CCDC88B: variants seen among roughly 807,000 people sequenced by gnomAD.
CCDC88B encodes coiled-coil domain-containing protein 88B.
CCDC88B carries 138 observed loss-of-function variants against 183.7 expected under a neutral mutation model. That is an observed-to-expected ratio of 0.75 (90% CI 0.65 to 0.87). The LOEUF (loss-of-function observed/expected upper bound fraction) is 0.87, where lower values mean the gene tolerates loss of function less well. CCDC88B is among the 40% of genes least tolerant of loss of function. The probability of loss-of-function intolerance (pLI) is 0.00; values close to 1 mark genes in which losing one functional copy is unlikely to be tolerated. For missense variants in CCDC88B, 1,822 were observed against 1,965.6 expected (o/e 0.93, Z 1.38); for synonymous variants, 835 against 867.5 (o/e 0.96, Z 0.66).
In CCDC88B at chr11:64,353,181, C is replaced by A; in HGVS notation, c.3628C>A (p.Leu1210Met). ...RAQLEMQSQQ[L>M]RESNQQLDLS... The stretch of plus-strand genomic sequence containing the variant: ...ACAGCTGGAGATGCAGAGCCAGCAG[C>A]TGCGCGAGTCCAACCAGCAGCTGGA... The change falls in exon 21 of 27, where the codon CTG (leucine) becomes ATG (methionine). Residue 1210 changes from leucine to methionine, a missense_variant. Leu to Met is a conservative substitution (Grantham distance 15). Transcript: ENST00000356786. The A allele has an allele frequency of 6.3e-7, 1 of 1,579,736 alleles. No individual in the cohort carries two copies. The highest frequency in any genetic ancestry group is 1.1e-5 in the South Asian group (1 of 87,150).
In CCDC88B at chr11:64,341,174, C is replaced by G. The variant is rs1323253615; in HGVS notation, c.384C>G (p.Leu128=). The G allele has an allele frequency of 6.2e-7, 1 of 1,614,136 alleles. No individual in the cohort carries two copies. The highest frequency in any genetic ancestry group is 8.5e-7 in the Non-Finnish European group (1 of 1,180,008). ...TCCAGACATTGGGATTTGACCCTCT[C>G]TCAGGTGCTCTCCCCACCCACACCC... is the stretch of plus-strand genomic sequence containing the variant. The part of the protein sequence containing the change: ...PDLQTLGFDP[L]SEEAVEQLEG... The change falls in exon 4 of 27, where the codon CTC becomes CTG. Residue 128 remains leucine, a synonymous_variant. Transcript: ENST00000356786.
Position 64,349,645 on chromosome 11 carries a change from C to T in CCDC88B, c.2839C>T (p.Gln947Ter). Residue 947 changes from glutamine to a stop codon, truncating the protein, a stop_gained, in exon 16 of 27, where the codon CAG (glutamine) becomes TAG (stop). Transcript: ENST00000356786. LOFTEE classifies it high-confidence loss of function. ...GATGGAGCTCAAGACCAGGGCCCTG[C>T]AGCTGGAAGAGGAGCTGTTCCAGGT... The part of the protein sequence containing the change: ...ALMELKTRAL[Q>*]LEEELFQLRQ... 1 of 1,596,616 alleles carries T rather than the reference C, an allele frequency of 6.3e-7. No homozygotes were observed. Among genetic ancestry groups the T allele is most frequent in the African/African-American group, 1.3e-5 (1 of 74,904 alleles).
In CCDC88B at chr11:64,342,883, G is replaced by T. The variant is rs1334237386; in HGVS notation, c.1062+203G>T. 1.1e-5 allele frequency: 5 copies of T among 458,970 alleles called. No homozygotes were observed. The Admixed American group carries it at 1.2e-4, about 11-fold the overall frequency. 28.4% of individuals were successfully genotyped at this position (458,970 alleles called of 1,614,324 possible). A position where few individuals can be genotyped will look rare whatever the true frequency, so the allele number is the denominator to read the frequency against. On this transcript the variant is annotated intron_variant, in intron 10 of 26. Coordinates refer to ENST00000356786, the MANE Select transcript of CCDC88B (RefSeq NM_032251.6). Reference sequence around the variant, plus strand: ...GGGGCAGGTGTAGGGGAGTGGGGGGGCTGTGTAAGTGATGCAGCCTTGGAA... The same window carrying T: ...GGGGCAGGTGTAGGGGAGTGGGGGGTCTGTGTAAGTGATGCAGCCTTGGAA...
chr11:64,355,152 C>T lies in CCDC88B; in HGVS notation c.4100-42C>T, dbSNP rs188868691. On this transcript the variant is annotated intron_variant, in intron 24 of 26. Transcript: ENST00000356786. ...TCCTCCCTACAGGAGCCTCAGCTCCCGTCCCCTCCTCTCACCCCCTCCCTG... is the reference window on the plus strand; with the variant it reads ...TCCTCCCTACAGGAGCCTCAGCTCCTGTCCCCTCCTCTCACCCCCTCCCTG... 113 of 1,332,874 alleles carry T rather than the reference C, an allele frequency of 8.5e-5. No homozygotes were observed. In the African/African-American group the frequency reaches 1.1e-3, roughly 13 times the overall value. The allele number at this position is 1,332,874 out of a possible 1,614,324, so 82.6% of individuals were successfully genotyped here. A position where few individuals can be genotyped will look rare whatever the true frequency, so the allele number is the denominator to read the frequency against.
rs144037797 is a variant in CCDC88B at position 64,349,634 on chromosome 11, C to T, written c.2828C>T (p.Thr943Ile). ...SKEEALMELK[T>I]RALQLEEELF... is the part of the protein sequence containing the mutation. ...GAGGAGGCGCTGATGGAGCTCAAGA[C>T]CAGGGCCCTGCAGCTGGAAGAGGAG... The change falls in exon 16 of 27, where the codon ACC becomes ATC. Residue 943 changes from threonine (T) to isoleucine (I), a missense_variant. By Grantham distance (89) the Thr-to-Ile change is moderately conservative. Coordinates refer to ENST00000356786, the MANE Select transcript of CCDC88B (RefSeq NM_032251.6). The T allele has an allele frequency of 0.022, 35,066 of 1,599,228 alleles. 453 individuals are homozygous for T. Among genetic ancestry groups the T allele is most frequent in the Non-Finnish European group, 0.026 (29,996 of 1,173,968 alleles).
In CCDC88B at chr11:64,342,692, A is replaced by ACGGAGC. The variant is rs2035928469; in HGVS notation, c.1062+15_1062+20dup. ...AGAGTCAGCTGGAGGTGAGGCGGAG[A>ACGGAGC]CGGAGCCGCGGGGCGGGGCGTGCGC... On this transcript the variant is annotated intron_variant, in intron 10 of 26. Transcript: ENST00000356786. 1 of 1,469,256 alleles carries ACGGAGC rather than the reference A, an allele frequency of 6.8e-7. No individual in the cohort carries two copies. The highest frequency in any genetic ancestry group is 9.0e-7 in the Non-Finnish European group (1 of 1,117,086). The allele number at this position is 1,469,256 out of a possible 1,614,324, so 91.0% of individuals were successfully genotyped here.
chr11:64,356,599 A>T (rs775162449), intron 26 of CCDC88B: 3 of 187,204 alleles, frequency 1.6e-5, no homozygotes, highest in Non-Finnish European at 3.3e-5. Flanking sequence ...ACAAAAAAAC[A>T]TAGTAGGTCT....
chr11:64,341,246 C>A (rs761244341), intron 4 of CCDC88B, 24 bp from the exon 5 acceptor site: 1 of 1,614,116 alleles, frequency 6.2e-7, no homozygotes, highest in South Asian at 1.1e-5. Context: ...CCCCAGTTAA[C>A]CCCTTGTGGC....
Position 64,344,415 on chromosome 11 carries a change from A to G in CCDC88B, c.1874A>G (p.Glu625Gly). The change falls in exon 14 of 27, where the codon GAG becomes GGG. Residue 625 changes from glutamate (E) to glycine (G), a missense_variant. Physicochemically the swap from Glu to Gly is moderately conservative, Grantham distance 98 (BLOSUM62 -2). Transcript: ENST00000356786. This position sits in a 1 kb window ranked among gnomAD's most constrained non-coding sequence, Gnocchi z 4.5. The part of the protein sequence containing the change: ...QAPQLLGGET[E>G]GREAPQGELV... ...CCGCAGTTGCTGGGAGGAGAGACAG[A>G]GGGAAGAGAGGCTCCCCAAGGCGAG... 6.3e-7 allele frequency: 1 copy of G among 1,589,750 alleles called. No homozygotes were observed. Among genetic ancestry groups the G allele is most frequent in the South Asian group, 1.1e-5 (1 of 88,226 alleles).
Position 64,344,376 on chromosome 11 carries a change from C to T in CCDC88B, c.1835C>T (p.Thr612Ile). 3 of 1,583,620 alleles carry T rather than the reference C, an allele frequency of 1.9e-6. No individual in the cohort carries two copies. Among genetic ancestry groups the T allele is most frequent in the Non-Finnish European group, 2.6e-6 (3 of 1,166,342 alleles). ...ASVAPPQGPG[T>I]KIQAPQLLGG... ...GTGGCCCCACCTCAGGGTCCAGGGA[C>T]CAAAATTCAGGCCCCGCAGTTGCTG... is the stretch of plus-strand genomic sequence containing the variant. The change falls in exon 14 of 27, where the codon ACC becomes ATC. Residue 612 changes from threonine to isoleucine, a missense_variant. By Grantham distance (89) the Thr-to-Ile change is moderately conservative. Transcript: ENST00000356786. The surrounding 1 kb of genome is among the most constrained non-coding windows in gnomAD (Gnocchi z 4.5).
At chr11:64,343,457 C>T (rs143193161) in intron 11 of CCDC88B, 50 bp from the exon 12 acceptor site, 5 of 1,543,250 alleles carry the variant, frequency 3.2e-6, no homozygotes, top group South Asian at 1.2e-5. Context: ...CCTACACACT[C>T]GGCCTGGCCA....
chr11:64,342,497 C>G (rs1286560488), intron 9 of CCDC88B, 25 bp from the exon 10 acceptor site: 5 of 1,527,840 alleles, frequency 3.3e-6, no homozygotes, highest in Non-Finnish European at 4.4e-6. Flanking sequence ...GCTGGCTGTT[C>G]CCAGCTCCAC....
Position 64,344,999 on chromosome 11 carries a change from G to A in CCDC88B, c.2458G>A (p.Ala820Thr), listed in dbSNP as rs1228140005. 1 of 1,546,660 alleles carries A rather than the reference G, an allele frequency of 6.5e-7. No individual in the cohort carries two copies. The highest frequency in any genetic ancestry group is 2.4e-5 in the East Asian group (1 of 41,492). ...GGAGGCGCTGGTGGAGGCGCTGGCA[G>A]CAGCGGGCCGGGAGCGGAGGCAGTG... ...EREALVEALA[A>T]AGRERRQWER... Residue 820 changes from alanine to threonine, a missense_variant, in exon 14 of 27, where the codon GCA becomes ACA. Coordinates refer to ENST00000356786, the MANE Select transcript of CCDC88B (RefSeq NM_032251.6). The surrounding 1 kb of genome is among the most constrained non-coding windows in gnomAD (Gnocchi z 4.5).
intron 26 of CCDC88B, chr11:64,356,174 T>C (rs1431306772): frequency 6.6e-6 from 1 of 152,056 alleles, no homozygotes; most frequent in African/African-American, 2.4e-5. Flanking sequence ...ATTATTATTT[T>C]TTTTAGTAGA....
At position 64,349,571 on chromosome 11, in the gene CCDC88B, G is replaced by A. The variant is rs146306786; in HGVS notation, c.2765G>A (p.Arg922Gln). 2.6e-5 allele frequency: 41 copies of A among 1,601,720 alleles called. No homozygotes were observed. Among genetic ancestry groups the A allele is most frequent in the Non-Finnish European group, 2.9e-5 (34 of 1,175,750 alleles). The change falls in exon 16 of 27, where the codon CGG (arginine) becomes CAG (glutamine). Residue 922 changes from arginine to glutamine, a missense_variant. Transcript: ENST00000356786. ...GGCAGGTACCAGGGCTTGGAGCAGC[G>A]GCTGGAAGCTGAGCTGCAGGCGGCG... ...QHQRYQGLEQ[R>Q]LEAELQAAAT...
In CCDC88B at chr11:64,351,508, G is replaced by T; in HGVS notation, c.2991G>T (p.Leu997Phe). 1.3e-6 allele frequency: 2 copies of T among 1,585,406 alleles called. No homozygotes were observed. Among genetic ancestry groups the T allele is most frequent in the Non-Finnish European group, 1.7e-6 (2 of 1,173,216 alleles). The change falls in exon 18 of 27, where the codon TTG becomes TTT. Residue 997 changes from leucine to phenylalanine, a missense_variant. Leu to Phe is a conservative substitution (Grantham distance 22, BLOSUM62 0). Transcript: ENST00000356786. ...NAMLVAEKAALQGQLQHLEGQ... is the reference protein window; with the variant it reads ...NAMLVAEKAAFQGQLQHLEGQ... ...TGCTGGTGGCAGAGAAGGCAGCTTT[G>T]CAGGGGCAGCTGCAGCACCTGGAGG...
chr11:64,349,095 C>A, intron 14 of CCDC88B: 1 of 716,290 alleles, frequency 1.4e-6, no homozygotes, highest in Non-Finnish European at 2.6e-6. Flanking sequence ...CGACTCCCAG[C>A]CCAGGGGCCT....
intron 12 of CCDC88B, 55 bp downstream of exon 12, chr11:64,343,670 T>C (rs1226805705): frequency 6.5e-7 from 1 of 1,542,566 alleles, no homozygotes; most frequent in Non-Finnish European, 8.8e-7. Flanking sequence ...TTTCCAGCAG[T>C]GTACTGGGGA....
In CCDC88B at chr11:64,342,354, A is replaced by G; in HGVS notation, c.882A>G (p.Glu294=). 4.4e-6 allele frequency: 7 copies of G among 1,591,560 alleles called. No homozygotes were observed. Among genetic ancestry groups the G allele is most frequent in the Non-Finnish European group, 6.0e-6 (7 of 1,169,664 alleles). The change falls in exon 9 of 27, where the codon GAA becomes GAG. Residue 294 remains glutamate (E), a synonymous_variant. Transcript: ENST00000356786. ...CCGAGGTGCAGGGTTTGGAGGCCGA[A>G]ATAAGAAGGCTCCGCCAGGAGGTGC... ...SQAEVQGLEA[E]IRRLRQEAQA...
Sources: allele counts gnomAD v4.1 joint callset, GRCh38; gene constraint gnomAD v4.1.1; non-coding constraint Gnocchi (gnomAD v3.1); transcripts MANE v1.5; gene names NCBI Gene and HGNC (gene_info 2026-07-23, HGNC 2026-07-21).